Variants in SNTG1 observed in about 807,000 individuals in gnomAD.
The protein encoded by SNTG1 is syntrophin gamma 1.
A neutral mutation model predicts 74.7 loss-of-function variants in SNTG1; 39 were observed. That is an observed-to-expected ratio of 0.52 (90% CI 0.40 to 0.68). The LOEUF is 0.68. Among genes scored for constraint, SNTG1 ranks in the 30% least tolerant of loss-of-function variants. The pLI, the probability that SNTG1 is intolerant of heterozygous loss-of-function variation, is 0.00. For synonymous variants in SNTG1, 254 were observed against 217.1 expected (o/e 1.17, Z -1.49); for missense variants, 685 against 609.5 (o/e 1.12, Z -1.30).
At chr8:50,751,401 A>G (rs1344820818) in intron 17 of SNTG1, among the ~76,000 whole-genome samples, 1 of 152,020 alleles carries the variant, frequency 6.6e-6, no homozygotes, top group African/African-American at 2.4e-5. Flanking sequence ...CACCTTTTAT[A>G]TCTCCATTTT....
At chr8:50,142,714 T>G (rs544555195) in intron 1 of SNTG1, among the ~76,000 whole-genome samples, 24 of 152,270 alleles carry the variant, frequency 1.6e-4, no homozygotes, top group African/African-American at 5.5e-4. Context: ...GAATACAGGT[T>G]GATGGATGTA....
At chr8:50,453,817 A>T (rs1190498664) in intron 8 of SNTG1, among the ~76,000 whole-genome samples, 1 of 151,794 alleles carries the variant, frequency 6.6e-6, no homozygotes, top group African/African-American at 2.4e-5. Context: ...CTTAGGAGCC[A>T]TGATGGGCCC....
At chr8:50,038,598 C>T (rs531092542) in intron 1 of SNTG1, among the ~76,000 whole-genome samples, 1 of 152,216 alleles carries the variant, frequency 6.6e-6, no homozygotes, top group Admixed American at 6.5e-5. Context: ...GCTGTTCCTC[C>T]CCATTTGATG....
intron 12 of SNTG1, among the ~76,000 whole-genome samples, chr8:50,569,804 C>T (rs1404717590): frequency 6.6e-6 from 1 of 152,070 alleles, no homozygotes; most frequent in African/African-American, 2.4e-5. Context: ...ATGTTGCTGT[C>T]TGCTTGTCTG....
intron 12 of SNTG1, among the ~76,000 whole-genome samples, chr8:50,585,048 G>A (rs1028536543): frequency 1.3e-5 from 2 of 152,154 alleles, no homozygotes; most frequent in African/African-American, 4.8e-5. Flanking sequence ...AATTTTCATA[G>A]ATAGAACTTA....
At chr8:50,432,070 G>A (rs1209883486) in intron 4 of SNTG1, among the ~76,000 whole-genome samples, 2 of 151,988 alleles carry the variant, frequency 1.3e-5, no homozygotes, top group Non-Finnish European at 2.9e-5. Context: ...TCATACTTTT[G>A]GTGTTGTATC....
chr8:50,162,559 C>CAAAA (rs34746562), intron 1 of SNTG1, among the ~76,000 whole-genome samples: 2 of 83,970 alleles, frequency 2.4e-5, no homozygotes, highest in East Asian at 8.5e-4. Flanking sequence ...GACTCTGTCT[C>CAAAA]AAAAAAAAAA....
intron 13 of SNTG1, among the ~76,000 whole-genome samples, chr8:50,632,317 A>G (rs980361449): frequency 4.6e-5 from 7 of 150,806 alleles, no homozygotes; most frequent in Non-Finnish European, 8.9e-5. Context: ...TTATTTATTT[A>G]TTTATTTATT....
At chr8:50,429,197 A>G (rs972370948) in intron 4 of SNTG1, among the ~76,000 whole-genome samples, 6 of 152,122 alleles carry the variant, frequency 3.9e-5, no homozygotes, top group Non-Finnish European at 7.4e-5. Flanking sequence ...AACAATCTTG[A>G]AAAAAACAAA....
chr8:50,140,485 G>A (rs761284290), intron 1 of SNTG1, among the ~76,000 whole-genome samples: 2 of 152,054 alleles, frequency 1.3e-5, no homozygotes, highest in Non-Finnish European at 2.9e-5. Flanking sequence ...GTGTGTTTGC[G>A]AGAATGTGTG....
intron 1 of SNTG1, among the ~76,000 whole-genome samples, chr8:49,979,181 G>A (rs1812447443): frequency 6.6e-6 from 1 of 152,216 alleles, no homozygotes; most frequent in African/African-American, 2.4e-5. Context: ...TGAGCAGCAG[G>A]GCAGTTCACA....
chr8:50,704,574 C>G (rs773248039), intron 15 of SNTG1, 26 bp from the exon 16 acceptor site: 6 of 1,613,830 alleles, frequency 3.7e-6, no homozygotes, highest in South Asian at 1.1e-5. Flanking sequence ...TGTGTGCCAG[C>G]CTGTGTAACT....
At chr8:50,432,086 A>C in intron 4 of SNTG1, among the ~76,000 whole-genome samples, 1 of 152,008 alleles carries the variant, frequency 6.6e-6, no homozygotes, top group Non-Finnish European at 1.5e-5. Flanking sequence ...GTATCTAAAA[A>C]CTCATCACTA....
At chr8:50,700,747 A>G (rs1392267688) in intron 15 of SNTG1, among the ~76,000 whole-genome samples, 2 of 152,168 alleles carry the variant, frequency 1.3e-5, no homozygotes, top group East Asian at 3.9e-4. Context: ...TGTTACCTCT[A>G]TAGCACTGTC....
intron 2 of SNTG1, among the ~76,000 whole-genome samples, chr8:50,350,905 C>A (rs1327828645): frequency 6.6e-6 from 1 of 152,204 alleles, no homozygotes; most frequent in Non-Finnish European, 1.5e-5. Context: ...TGAAAGCAGG[C>A]CGCCCAAACC....
intron 13 of SNTG1, among the ~76,000 whole-genome samples, chr8:50,645,589 A>G (rs2095103919): frequency 6.6e-6 from 1 of 152,144 alleles, no homozygotes; most frequent in Non-Finnish European, 1.5e-5. Flanking sequence ...TCATAGGGAT[A>G]TTATCTTCCT....
chr8:49,924,417 T>A (rs1346643475), intron 1 of SNTG1, among the ~76,000 whole-genome samples: 1 of 152,140 alleles, frequency 6.6e-6, no homozygotes. Flanking sequence ...ACACTTCCTG[T>A]TTGTACAAGT....
chr8:50,720,579 C>T (rs550342709), intron 17 of SNTG1, among the ~76,000 whole-genome samples: 2 of 152,032 alleles, frequency 1.3e-5, no homozygotes, highest in African/African-American at 2.4e-5. Flanking sequence ...ATTATGAGGG[C>T]CTAGTTACAG....
intron 11 of SNTG1, among the ~76,000 whole-genome samples, chr8:50,542,011 T>A (rs942196443): frequency 8.9e-6 from 1 of 112,522 alleles, no homozygotes; most frequent in African/African-American, 4.5e-5. Context: ...ATTTTGTTTT[T>A]CATGGATGAA....
Sources: allele counts gnomAD v4.1 joint callset (sites outside exome capture counted in the v4.1 genomes callset), GRCh38; gene constraint gnomAD v4.1.1; transcripts MANE v1.5; gene names NCBI Gene and HGNC (gene_info 2026-07-23, HGNC 2026-07-21).